Variants in SCN3A observed in about 807,000 individuals in gnomAD.
SCN3A encodes the protein sodium voltage-gated channel alpha subunit 3, also known as sodium channel protein type 3 subunit alpha.
A neutral mutation model predicts 187.6 loss-of-function variants in SCN3A; 60 were observed. The ratio of observed to expected loss-of-function variants is 0.32; its 90% CI spans 0.26 to 0.40. The LOEUF is 0.40. Ranked by LOEUF, SCN3A falls within the 10% of genes least tolerant of loss-of-function variation. The pLI, the probability that SCN3A is intolerant of heterozygous loss-of-function variation, is 1.00. For synonymous variants in SCN3A, 788 were observed against 829.2 expected, an observed-to-expected ratio of 0.95 and a Z score of 0.85; for missense variants, 1,601 against 2,428.2, an observed-to-expected ratio of 0.66 and a Z score of 7.16.
chr2:165,146,150 A>T (rs1688305837), intron 12 of SCN3A, among the ~76,000 whole-genome samples: 1 of 152,096 alleles, frequency 6.6e-6, no homozygotes, highest in Non-Finnish European at 1.5e-5. Flanking sequence ...TATGCAAGCA[A>T]AATGGAGACT....
intron 16 of SCN3A, among the ~76,000 whole-genome samples, chr2:165,130,604 A>G (rs1687254019): frequency 6.6e-6 from 1 of 152,190 alleles, no homozygotes; most frequent in African/African-American, 2.4e-5. Context: ...TTTTTAAATT[A>G]GCAAATAAAT....
In SCN3A at chr2:165,088,401, A is replaced by C. The variant is rs1326955773; in HGVS notation, c.*1749T>G. 6.6e-6 allele frequency: 1 copy of C among 152,546 alleles called. No individual in the cohort carries two copies. Among genetic ancestry groups the C allele is most frequent in the South Asian group, 2.1e-4 (1 of 4,828 alleles). The allele number at this position is 152,546 out of a possible 1,614,324, so 9.4% of individuals were successfully genotyped here. A position where few individuals can be genotyped will look rare whatever the true frequency, so the allele number is the denominator to read the frequency against. On this transcript the variant is annotated 3_prime_UTR_variant, in exon 28 of 28. Transcript: ENST00000283254. ...TTGTAATAGCTTTAGTGCAGCAGGAATTAAAAAAATAAGACTAGTCTGCAT... is the reference window on the plus strand; with the variant it reads ...TTGTAATAGCTTTAGTGCAGCAGGACTTAAAAAAATAAGACTAGTCTGCAT...
chr2:165,133,270 TC>T (rs1247417706), intron 15 of SCN3A, among the ~76,000 whole-genome samples: 9 of 152,174 alleles, frequency 5.9e-5, no homozygotes, highest in African/African-American at 1.7e-4. Context: ...GACCCAGCCA[TC>T]CCATTACTGG....
At chr2:165,162,930 T>A in intron 7 of SCN3A, 102 bp from the exon 8 acceptor site, 2 of 1,391,710 alleles carry the variant, frequency 1.4e-6, no homozygotes, top group Non-Finnish European at 2.0e-6. Flanking sequence ...ATTGCTTGAC[T>A]ATTTAGACAC....
chr2:165,116,777 A>C (rs1313553242), intron 18 of SCN3A, among the ~76,000 whole-genome samples: 1 of 152,100 alleles, frequency 6.6e-6, no homozygotes, highest in Non-Finnish European at 1.5e-5. Context: ...GTTACTTTAA[A>C]GTTGATATTA....
chr2:165,096,422 C>T (rs1433323037), intron 24 of SCN3A, 45 bp downstream of exon 24: 8 of 1,471,996 alleles, frequency 5.4e-6, no homozygotes, highest in Non-Finnish European at 7.6e-6. Flanking sequence ...CAATATTCAC[C>T]ATAAGAAATC....
Position 165,090,259 on chromosome 2 carries a change from G to A in SCN3A, c.5894C>T (p.Thr1965Ile). The change falls in exon 28 of 28, where the codon ACC becomes ATC. Residue 1965 changes from threonine to isoleucine, a missense_variant. By Grantham distance (89) the Thr-to-Ile change is moderately conservative. This residue lies in a region of SCN3A where 87 missense variants were observed against 89.2 expected (regional missense o/e 0.98). Coordinates refer to ENST00000283254, the MANE Select transcript of SCN3A (RefSeq NM_006922.4). The surrounding 1 kb of genome is among the most constrained non-coding windows in gnomAD (Gnocchi z 4.0). ...TACACTATCATAGGAAGGAGGAGAGGTGGTAGAGGAACTCCCATCTGTTTT... is the reference window on the plus strand; with the variant it reads ...TACACTATCATAGGAAGGAGGAGAGATGGTAGAGGAACTCCCATCTGTTTT... ...PEKTDGSSST[T>I]SPPSYDSVTK... The A allele has an allele frequency of 6.2e-7, 1 of 1,611,984 alleles. No homozygotes were observed. The highest frequency in any genetic ancestry group is 8.5e-7 in the Non-Finnish European group (1 of 1,178,716).
At chr2:165,104,316 C>G (rs895963582) in intron 21 of SCN3A, among the ~76,000 whole-genome samples, 6 of 151,604 alleles carry the variant, frequency 4.0e-5, no homozygotes, top group African/African-American at 1.5e-4. Flanking sequence ...TAAAATAAAG[C>G]TCAAATTAGC....
At chr2:165,100,875 C>T (rs1375430097) in intron 21 of SCN3A, among the ~76,000 whole-genome samples, 2 of 152,218 alleles carry the variant, frequency 1.3e-5, no homozygotes, top group Non-Finnish European at 2.9e-5. Flanking sequence ...TCTTATCTCC[C>T]TTTCCAGATC....
intron 9 of SCN3A, 53 bp downstream of exon 9, chr2:165,162,255 T>A: frequency 8.2e-7 from 1 of 1,220,370 alleles, no homozygotes; most frequent in Non-Finnish European, 1.1e-6. Flanking sequence ...TCCTACCTAC[T>A]TTTTTTTTTC....
At chr2:165,142,723 G>GTGGTGTTGTTGT (rs1553529037) in intron 12 of SCN3A, among the ~76,000 whole-genome samples, 2 of 148,822 alleles carry the variant, frequency 1.3e-5, no homozygotes, top group African/African-American at 2.5e-5. Context: ...TCCAGAACTC[G>GTGGTGTTGTTGT]TGTTGTTGTT....
chr2:165,185,105 A>C (rs1691148696), intron 2 of SCN3A, among the ~76,000 whole-genome samples: 1 of 151,866 alleles, frequency 6.6e-6, no homozygotes, highest in African/African-American at 2.4e-5. Flanking sequence ...GTTCATCTCT[A>C]TCTTCAAGAT....
chr2:165,118,721 G>C (rs1304292431), intron 18 of SCN3A, among the ~76,000 whole-genome samples: 1 of 152,022 alleles, frequency 6.6e-6, no homozygotes, highest in Non-Finnish European at 1.5e-5. Flanking sequence ...CAAGTAGCTG[G>C]GGCTGTAGGT....
chr2:165,119,744 A>G (rs1250969954), intron 18 of SCN3A: 2 of 152,160 alleles, frequency 1.3e-5, no homozygotes, highest in South Asian at 2.1e-4. Context: ...ATAAAGAATA[A>G]CTTACTTTCT....
At chr2:165,169,941 G>A (rs1366940651) in intron 4 of SCN3A, among the ~76,000 whole-genome samples, 4 of 151,628 alleles carry the variant, frequency 2.6e-5, no homozygotes, top group Non-Finnish European at 5.9e-5. Flanking sequence ...AAAAAAGAAG[G>A]GAATAAGACG....
intron 21 of SCN3A, among the ~76,000 whole-genome samples, chr2:165,106,725 ATAACGC>A (rs1369600935): frequency 9.2e-5 from 14 of 152,224 alleles, no homozygotes; most frequent in African/African-American, 3.4e-4. Flanking sequence ...ATTACAAATG[ATAACGC>A]TTGTTTGCCT....
chr2:165,130,495 G>A, intron 16 of SCN3A, 199 bp from the exon 17 acceptor site: 2 of 589,924 alleles, frequency 3.4e-6, no homozygotes, highest in Non-Finnish European at 5.9e-6. Context: ...TCATTTAAGT[G>A]CAAAAATAAA....
At chr2:165,124,577 A>G (rs1686879114) in intron 18 of SCN3A, among the ~76,000 whole-genome samples, 1 of 152,098 alleles carries the variant, frequency 6.6e-6, no homozygotes, top group African/African-American at 2.4e-5. Flanking sequence ...CTGCATTATC[A>G]AACATTATAC....
chr2:165,163,590 C>G (rs1298003272), intron 7 of SCN3A, 28 bp downstream of exon 7: 1 of 1,612,176 alleles, frequency 6.2e-7, no homozygotes. Context: ...TAATTAAAGT[C>G]AACCTCGGTG....
Sources: allele counts gnomAD v4.1 joint callset (sites outside exome capture counted in the v4.1 genomes callset), GRCh38; gene constraint gnomAD v4.1.1; regional missense constraint gnomAD v4.1.1; non-coding constraint Gnocchi (gnomAD v3.1); transcripts MANE v1.5; gene names NCBI Gene and HGNC (gene_info 2026-07-23, HGNC 2026-07-21).